SPHK1: variants seen among roughly 807,000 people sequenced by gnomAD.
The protein encoded by SPHK1 is sphingosine kinase 1, also known as SK 1.
SPHK1 carries 10 observed loss-of-function variants against 14.6 expected under a neutral mutation model. The observed-to-expected ratio is 0.68, with a 90% CI of 0.42 to 1.16. The LOEUF is 1.16. Among genes scored for constraint, SPHK1 ranks in the 50% most tolerant of loss-of-function variants. SPHK1 has a pLI of 0.00. For missense variants in SPHK1, 553 were observed against 525.4 expected (o/e 1.05, Z -0.51); for synonymous variants, 274 against 224.0 (o/e 1.22, Z -1.99).
At position 76,384,738 on chromosome 17, in the gene SPHK1, A is replaced by G. The variant is rs2071930857; in HGVS notation, c.-263A>G. On this transcript the variant is annotated 5_prime_UTR_variant, in exon 1 of 6. Transcript: ENST00000592299. Reference sequence around the variant, plus strand: ...TCAGACGTGGGCTGAGCTTGGGACGAGCTGCGTTCCGCCCCAGGCCACTGT... The same window carrying G: ...TCAGACGTGGGCTGAGCTTGGGACGGGCTGCGTTCCGCCCCAGGCCACTGT... The G allele has an allele frequency of 5.6e-6, 1 of 179,668 alleles. No individual in the cohort carries two copies. The highest frequency in any genetic ancestry group is 6.3e-5 in the Admixed American group (1 of 15,910). The allele number at this position is 179,668 out of a possible 1,614,324, so 11.1% of individuals were successfully genotyped here. A position where few individuals can be genotyped will look rare whatever the true frequency, so the allele number is the denominator to read the frequency against.
In SPHK1 at chr17:76,385,026, C is replaced by T. The variant is rs2071936725; in HGVS notation, c.-195+220C>T. 6.7e-7 allele frequency: 1 copy of T among 1,488,324 alleles called. No homozygotes were observed. 92.2% of individuals were successfully genotyped at this position (1,488,324 alleles called of 1,614,324 possible). A position where few individuals can be genotyped will look rare whatever the true frequency, so the allele number is the denominator to read the frequency against. ...GAGAAGCGCGCGCCGCGGCTCCCACCGCTCTGGAGCTCCGGGCAGGGGACA... is the reference window on the plus strand; with the variant it reads ...GAGAAGCGCGCGCCGCGGCTCCCACTGCTCTGGAGCTCCGGGCAGGGGACA... On this transcript the variant is annotated intron_variant, in intron 1 of 5. Coordinates refer to ENST00000592299, the MANE Select transcript of SPHK1 (RefSeq NM_001142601.2). This position sits in a 1 kb window ranked among gnomAD's most constrained non-coding sequence, Gnocchi z 5.3.
intron 1 of SPHK1, 144 bp downstream of exon 1, chr17:76,384,950 C>G (rs986344199): frequency 1.2e-6 from 1 of 829,426 alleles, no homozygotes; most frequent in Non-Finnish European, 1.8e-6. Flanking sequence ...TTGGCGCGAC[C>G]CGGGAGCGGC....
Position 76,386,049 on chromosome 17 carries a change from C to T in SPHK1, c.75C>T (p.Gly25=). The T allele has an allele frequency of 1.2e-6, 2 of 1,608,358 alleles. No homozygotes were observed. Among genetic ancestry groups the T allele is most frequent in the Admixed American group, 1.7e-5 (1 of 59,782 alleles). ...TGCTGGTGCTGCTGAACCCGCGCGGCGGCAAGGGCAAGGCCTTGCAGCTCT... is the reference window on the plus strand; with the variant it reads ...TGCTGGTGCTGCTGAACCCGCGCGGTGGCAAGGGCAAGGCCTTGCAGCTCT... ...CRVLVLLNPR[G]GKGKALQLFR... is the part of the protein sequence containing the mutation. The change falls in exon 3 of 6, where the codon GGC becomes GGT. Residue 25 remains glycine, a synonymous_variant. Transcript: ENST00000592299. The surrounding 1 kb of genome is among the most constrained non-coding windows in gnomAD (Gnocchi z 5.3).
chr17:76,383,286 T>TA (rs914001337), upstream of SPHK1: 3 of 151,938 alleles, frequency 2.0e-5, no homozygotes, highest in Non-Finnish European at 2.9e-5. Flanking sequence ...CACCCGCCGA[T>TA]ACGCGCGCGG....
chr17:76,387,609 A>G lies in SPHK1; in HGVS notation c.*23A>G, dbSNP rs535403140. 11 of 1,548,842 alleles carry G rather than the reference A, an allele frequency of 7.1e-6. No individual in the cohort carries two copies. The East Asian group carries it at 1.1e-4, about 16-fold the overall frequency. ...TGACCCCTGGGCCGCGCTGTGCCTT[A>G]GTGTCTACTTGCAGGACCCTTCCTC... On this transcript the variant is annotated 3_prime_UTR_variant, in exon 6 of 6. Coordinates refer to ENST00000592299, the MANE Select transcript of SPHK1 (RefSeq NM_001142601.2). This position sits in a 1 kb window ranked among gnomAD's most constrained non-coding sequence, Gnocchi z 4.1.
Position 76,385,755 on chromosome 17 carries a change from G to C in SPHK1, c.10+101G>C, listed in dbSNP as rs748644756. On this transcript the variant is annotated intron_variant, in intron 2 of 5. Transcript: ENST00000592299. The surrounding 1 kb of genome is among the most constrained non-coding windows in gnomAD (Gnocchi z 5.3). ...GACGAAAGGGGCTGTGGACGATCGG[G>C]AGAAACATTATCCCTCACGAGGCCA... is the stretch of plus-strand genomic sequence containing the variant. 3.4e-5 allele frequency: 49 copies of C among 1,435,424 alleles called. 1 individual carries two copies. The African/African-American group carries it at 5.6e-4, about 17-fold the overall frequency. 88.9% of individuals were successfully genotyped at this position (1,435,424 alleles called of 1,614,324 possible). A position where few individuals can be genotyped will look rare whatever the true frequency, so the allele number is the denominator to read the frequency against.
Position 76,385,787 on chromosome 17 carries a change from G to C in SPHK1, c.10+133G>C, listed in dbSNP as rs1212470255. ...ATTATCCCTCACGAGGCCAGAAGCC[G>C]GCCGAATCTGAGCCAAGGAAGGGGG... On this transcript the variant is annotated intron_variant, in intron 2 of 5. Coordinates refer to ENST00000592299, the MANE Select transcript of SPHK1 (RefSeq NM_001142601.2). This position sits in a 1 kb window ranked among gnomAD's most constrained non-coding sequence, Gnocchi z 5.3. 7.0e-7 allele frequency: 1 copy of C among 1,426,066 alleles called. No individual in the cohort carries two copies. Among genetic ancestry groups the C allele is most frequent in the Non-Finnish European group, 9.5e-7 (1 of 1,047,334 alleles). 88.3% of individuals were successfully genotyped at this position (1,426,066 alleles called of 1,614,324 possible). A position where few individuals can be genotyped will look rare whatever the true frequency, so the allele number is the denominator to read the frequency against.
In SPHK1 at chr17:76,385,213, A is replaced by G. The variant is rs745889563; in HGVS notation, c.-194-238A>G. On this transcript the variant is annotated intron_variant, in intron 1 of 5. Coordinates refer to ENST00000592299, the MANE Select transcript of SPHK1 (RefSeq NM_001142601.2). The surrounding 1 kb of genome is among the most constrained non-coding windows in gnomAD (Gnocchi z 5.3). Reference sequence around the variant, plus strand: ...GGAGGGAGCCACGGGGCTCTGACTCATCCGTCGGGCCGGAACCGAACCCCA... The same window carrying G: ...GGAGGGAGCCACGGGGCTCTGACTCGTCCGTCGGGCCGGAACCGAACCCCA... 9 of 1,557,904 alleles carry G rather than the reference A, an allele frequency of 5.8e-6. No individual in the cohort carries two copies. Among genetic ancestry groups the G allele is most frequent in the Non-Finnish European group, 7.8e-6 (9 of 1,151,994 alleles).
Position 76,386,713 on chromosome 17 carries a change from A to C in SPHK1, c.375-93A>C. 5 of 1,412,522 alleles carry C rather than the reference A, an allele frequency of 3.5e-6. No individual in the cohort carries two copies. The highest frequency in any genetic ancestry group is 4.8e-6 in the Non-Finnish European group (5 of 1,049,096). The allele number at this position is 1,412,522 out of a possible 1,614,324, so 87.5% of individuals were successfully genotyped here. A position where few individuals can be genotyped will look rare whatever the true frequency, so the allele number is the denominator to read the frequency against. Reference sequence around the variant, plus strand: ...GTCCTGCCAACTCCCCAGGGACCACATGGCGCTTTGCCAGCTCCCACTCCC... The same window carrying C: ...GTCCTGCCAACTCCCCAGGGACCACCTGGCGCTTTGCCAGCTCCCACTCCC... On this transcript the variant is annotated intron_variant, in intron 5 of 5. Coordinates refer to ENST00000592299, the MANE Select transcript of SPHK1 (RefSeq NM_001142601.2). This position sits in a 1 kb window ranked among gnomAD's most constrained non-coding sequence, Gnocchi z 5.3.
At position 76,385,441 on chromosome 17, in the gene SPHK1, TCTCC is replaced by T; in HGVS notation, c.-194-6_-194-3del. 1 of 1,524,700 alleles carries T rather than the reference TCTCC, an allele frequency of 6.6e-7. No homozygotes were observed. Among genetic ancestry groups the T allele is most frequent in the Non-Finnish European group, 8.8e-7 (1 of 1,141,378 alleles). The allele number at this position is 1,524,700 out of a possible 1,614,324, so 94.4% of individuals were successfully genotyped here. Reference sequence around the variant, plus strand: ...CCCGGACTCCGCCAGCGCTGTCTTCTCTCCCTCAGGTCCAGCCGCCGCAGGGAAT... The same window carrying T: ...CCCGGACTCCGCCAGCGCTGTCTTCTCTCAGGTCCAGCCGCCGCAGGGAAT... On this transcript the variant is annotated splice_region_variant and splice_polypyrimidine_tract_variant and intron_variant, in intron 1 of 5. Coordinates refer to ENST00000592299, the MANE Select transcript of SPHK1 (RefSeq NM_001142601.2). This position sits in a 1 kb window ranked among gnomAD's most constrained non-coding sequence, Gnocchi z 5.3.
Position 76,387,841 on chromosome 17 carries a change from A to G in SPHK1, c.*255A>G, listed in dbSNP as rs2072023842. ...CCCACCCCACGAACCAAATCCAAAT[A>G]AAGTGACATTCCCAGCCTGCTCGTC... On this transcript the variant is annotated 3_prime_UTR_variant, in exon 6 of 6. Transcript: ENST00000592299. This position sits in a 1 kb window ranked among gnomAD's most constrained non-coding sequence, Gnocchi z 4.1. 1.1e-5 allele frequency: 5 copies of G among 472,316 alleles called. No individual in the cohort carries two copies. The highest frequency in any genetic ancestry group is 5.4e-4 in the Middle Eastern group (1 of 1,842). The allele number at this position is 472,316 out of a possible 1,614,324, so 29.3% of individuals were successfully genotyped here.
At position 76,385,712 on chromosome 17, in the gene SPHK1, T is replaced by C. The variant is rs1427592293; in HGVS notation, c.10+58T>C. 6.7e-7 allele frequency: 1 copy of C among 1,488,912 alleles called. No homozygotes were observed. Among genetic ancestry groups the C allele is most frequent in the East Asian group, 2.5e-5 (1 of 40,536 alleles). 92.2% of individuals were successfully genotyped at this position (1,488,912 alleles called of 1,614,324 possible). A position where few individuals can be genotyped will look rare whatever the true frequency, so the allele number is the denominator to read the frequency against. On this transcript the variant is annotated intron_variant, in intron 2 of 5. Transcript: ENST00000592299. This position sits in a 1 kb window ranked among gnomAD's most constrained non-coding sequence, Gnocchi z 5.3. ...GGGGATTCCTGTTCCTCGCCAGGAA[T>C]GATGGAACGCCCAGCTGGACGAAAG... is the stretch of plus-strand genomic sequence containing the variant.
chr17:76,385,617 C>T lies in SPHK1; in HGVS notation c.-28C>T, dbSNP rs1267182880. The T allele has an allele frequency of 6.5e-7, 1 of 1,539,630 alleles. No homozygotes were observed. The highest frequency in any genetic ancestry group is 8.7e-7 in the Non-Finnish European group (1 of 1,148,268). On this transcript the variant is annotated 5_prime_UTR_variant, in exon 2 of 6. Transcript: ENST00000592299. The surrounding 1 kb of genome is among the most constrained non-coding windows in gnomAD (Gnocchi z 5.3). Reference sequence around the variant, plus strand: ...GCGCCCCCACAGCGCCAGGGACCCCCTGGCAGCGGGAGCCGCGGGTCGAGG... The same window carrying T: ...GCGCCCCCACAGCGCCAGGGACCCCTTGGCAGCGGGAGCCGCGGGTCGAGG...
Position 76,387,700 on chromosome 17 carries a change from G to C in SPHK1, c.*114G>C. On this transcript the variant is annotated 3_prime_UTR_variant, in exon 6 of 6. Coordinates refer to ENST00000592299, the MANE Select transcript of SPHK1 (RefSeq NM_001142601.2). This position sits in a 1 kb window ranked among gnomAD's most constrained non-coding sequence, Gnocchi z 4.1. ...GGTGGAGGAGACTCCTCTGGAGAAG[G>C]GTGAGAAGGTGGAGGCTATGCTTTG... The C allele has an allele frequency of 8.3e-7, 1 of 1,198,136 alleles. No homozygotes were observed. Among genetic ancestry groups the C allele is most frequent in the Non-Finnish European group, 1.1e-6 (1 of 880,918 alleles). 74.2% of individuals were successfully genotyped at this position (1,198,136 alleles called of 1,614,324 possible).
In SPHK1 at chr17:76,387,110, G is replaced by C; in HGVS notation, c.679G>C (p.Val227Leu). 1 of 1,613,276 alleles carries C rather than the reference G, an allele frequency of 6.2e-7. No individual in the cohort carries two copies. Among genetic ancestry groups the C allele is most frequent in the South Asian group, 1.1e-5 (1 of 91,080 alleles). ...RVGSKTPASP[V>L]VVQQGPVDAH... ...GGGTTCCAAGACACCTGCCTCCCCCGTTGTGGTCCAGCAGGGCCCGGTAGA... is the reference window on the plus strand; with the variant it reads ...GGGTTCCAAGACACCTGCCTCCCCCCTTGTGGTCCAGCAGGGCCCGGTAGA... Residue 227 changes from valine (V) to leucine (L), a missense_variant, in exon 6 of 6, where the codon GTT (valine) becomes CTT (leucine). Transcript: ENST00000592299. This position sits in a 1 kb window ranked among gnomAD's most constrained non-coding sequence, Gnocchi z 4.1.
rs1244646447 is a variant in SPHK1, at chr17:76,385,276, C to T, written c.-194-175C>T. 6 of 1,501,966 alleles carry T rather than the reference C, an allele frequency of 4.0e-6. No individual in the cohort carries two copies. The highest frequency in any genetic ancestry group is 2.2e-5 in the Admixed American group (1 of 44,474). 93.0% of individuals were successfully genotyped at this position (1,501,966 alleles called of 1,614,324 possible). A position where few individuals can be genotyped will look rare whatever the true frequency, so the allele number is the denominator to read the frequency against. ...AAAGCCCCGGAGCAGGCGCCCTTCT[C>T]AGGGATTGTAGGCTTAGTCACACGG... is the stretch of plus-strand genomic sequence containing the variant. On this transcript the variant is annotated intron_variant, in intron 1 of 5. Transcript: ENST00000592299. The surrounding 1 kb of genome is among the most constrained non-coding windows in gnomAD (Gnocchi z 5.3).
chr17:76,386,217 G>A lies in SPHK1; in HGVS notation c.164-4G>A. On this transcript the variant is annotated splice_region_variant and splice_polypyrimidine_tract_variant and intron_variant, in intron 3 of 5. Transcript: ENST00000592299. This position sits in a 1 kb window ranked among gnomAD's most constrained non-coding sequence, Gnocchi z 5.3. ...AGTCCTGATAGCTGCCGGTCTCCCTGCAGAGCGGCGGAACCACGCGCGGGA... is the reference window on the plus strand; with the variant it reads ...AGTCCTGATAGCTGCCGGTCTCCCTACAGAGCGGCGGAACCACGCGCGGGA... The A allele has an allele frequency of 6.3e-7, 1 of 1,595,688 alleles. No homozygotes were observed. Among genetic ancestry groups the A allele is most frequent in the Non-Finnish European group, 8.5e-7 (1 of 1,176,824 alleles).
chr17:76,386,767 G>A lies in SPHK1; in HGVS notation c.375-39G>A. On this transcript the variant is annotated intron_variant, in intron 5 of 5. Transcript: ENST00000592299. This position sits in a 1 kb window ranked among gnomAD's most constrained non-coding sequence, Gnocchi z 5.3. Reference sequence around the variant, plus strand: ...GAGGAGGAAGCGGGGGATACATGGGGGCTCCTGTCCTGCCTTATCTGACTT... The same window carrying A: ...GAGGAGGAAGCGGGGGATACATGGGAGCTCCTGTCCTGCCTTATCTGACTT... The A allele has an allele frequency of 6.6e-7, 1 of 1,516,150 alleles. No homozygotes were observed. 93.9% of individuals were successfully genotyped at this position (1,516,150 alleles called of 1,614,324 possible). A position where few individuals can be genotyped will look rare whatever the true frequency, so the allele number is the denominator to read the frequency against.
chr17:76,385,907 C>T lies in SPHK1; in HGVS notation c.11-78C>T, dbSNP rs2071968790. The stretch of plus-strand genomic sequence containing the variant: ...CGGGGTGTTTCGGGCACCAAGTTCC[C>T]ACACTAGTGCCCCATTGTTACCCGT... On this transcript the variant is annotated intron_variant, in intron 2 of 5. Coordinates refer to ENST00000592299, the MANE Select transcript of SPHK1 (RefSeq NM_001142601.2). The surrounding 1 kb of genome is among the most constrained non-coding windows in gnomAD (Gnocchi z 5.3). The T allele has an allele frequency of 5.3e-6, 8 of 1,514,314 alleles. No homozygotes were observed. The East Asian group carries it at 1.7e-4, about 32-fold the overall frequency. The allele number at this position is 1,514,314 out of a possible 1,614,324, so 93.8% of individuals were successfully genotyped here.
Sources: allele counts gnomAD v4.1 joint callset, GRCh38; gene constraint gnomAD v4.1.1; non-coding constraint Gnocchi (gnomAD v3.1); transcripts MANE v1.5; gene names NCBI Gene and HGNC (gene_info 2026-07-23, HGNC 2026-07-21).